Variants in PRR33 observed in about 807,000 individuals in gnomAD.
PRR33 encodes proline-rich protein 33.
In PRR33, 1 loss-of-function variant was observed where a neutral mutation model predicts 0.5. The observed-to-expected ratio is 2.18, with a 90% CI of 0.77 to 10.34. The LOEUF (loss-of-function observed/expected upper bound fraction) is 10.34, where lower values mean the gene tolerates loss of function less well. PRR33 is among the 30% of genes most tolerant of loss of function. The pLI is 0.13. For missense variants in PRR33, 552 were observed against 251.8 expected, an observed-to-expected ratio of 2.19 and a Z score of -8.07; for synonymous variants, 226 against 110.0, an observed-to-expected ratio of 2.06 and a Z score of -6.60.
At chr11:1,893,370 C>T (rs572486679), upstream of PRR33, among the ~76,000 whole-genome samples, 163 of 128,562 alleles carry the variant, frequency 1.3e-3, 2 homozygotes, top group African/African-American at 4.5e-3. Context: ...GATGGATGGA[C>T]TAATGGATGG....
chr11:1,903,216 T>TC, the PRR33 span: 2 of 150,870 alleles, frequency 1.3e-5, no homozygotes, highest in Admixed American at 6.6e-5. Flanking sequence ...AGACACAGCC[T>TC]CTGCCTCCCG....
chr11:1,903,031 T>G, the PRR33 span: 1 of 152,170 alleles, frequency 6.6e-6, no homozygotes, highest in African/African-American at 2.4e-5. Context: ...TTAGCCGGCT[T>G]CTTTACTGCA....
the PRR33 span, chr11:1,903,390 C>T: frequency 6.6e-6 from 1 of 152,146 alleles, no homozygotes; most frequent in Non-Finnish European, 1.5e-5. Context: ...AAGCAATCTT[C>T]CCACCTTGGC....
the PRR33 span, among the ~76,000 whole-genome samples, chr11:1,904,191 G>A: frequency 2.0e-5 from 3 of 152,204 alleles, no homozygotes; most frequent in African/African-American, 4.8e-5. Context: ...CCTGGGGGCC[G>A]CTGGAAGCTC....
chr11:1,913,100 T>C, the PRR33 span, among the ~76,000 whole-genome samples: 2 of 151,976 alleles, frequency 1.3e-5, no homozygotes, highest in Non-Finnish European at 2.9e-5. Flanking sequence ...TCTGGGGTAA[T>C]CCATACTTTG....
At chr11:1,897,181 G>A in the PRR33 span, among the ~76,000 whole-genome samples, 30 of 152,322 alleles carry the variant, frequency 2.0e-4, no homozygotes, top group East Asian at 3.7e-3. This position sits in a 1 kb window ranked among gnomAD's most constrained non-coding sequence, Gnocchi z 4.0. Context: ...GTCTGTTTAC[G>A]TCTCCAGTGA....
chr11:1,896,003 G>T (rs144706345), upstream of PRR33, among the ~76,000 whole-genome samples: 685 of 152,252 alleles, frequency 4.5e-3, 5 homozygotes, highest in African/African-American at 0.016. Context: ...GTGAGACCCT[G>T]CCTGAAAAAA....
the PRR33 span, among the ~76,000 whole-genome samples, chr11:1,912,261 T>G: frequency 6.6e-6 from 1 of 151,344 alleles, no homozygotes; most frequent in East Asian, 2.0e-4. Context: ...TTTTGCTTGG[T>G]AGGAGGTTTA....
At chr11:1,909,467 C>A in the PRR33 span, among the ~76,000 whole-genome samples, 12 of 151,950 alleles carry the variant, frequency 7.9e-5, no homozygotes, top group Non-Finnish European at 1.6e-4. Flanking sequence ...AAAAATTAGC[C>A]GGGCGTGGTG....
chr11:1,898,271 G>C, the PRR33 span, among the ~76,000 whole-genome samples: 3 of 151,120 alleles, frequency 2.0e-5, no homozygotes, highest in African/African-American at 4.9e-5. Flanking sequence ...GTCTCGCTCC[G>C]TCGGCTGGAG....
the PRR33 span, among the ~76,000 whole-genome samples, chr11:1,911,688 T>C: frequency 6.6e-6 from 1 of 151,398 alleles, no homozygotes; most frequent in African/African-American, 2.4e-5. Flanking sequence ...CTCAAAGTGC[T>C]GGGATTACAG....
chr11:1,901,460 C>T, the PRR33 span, among the ~76,000 whole-genome samples: 31 of 152,302 alleles, frequency 2.0e-4, no homozygotes, highest in Middle Eastern at 0.01. Context: ...ATAACAGACA[C>T]AGATAGAAAC....
At chr11:1,898,381 G>T in the PRR33 span, among the ~76,000 whole-genome samples, 6 of 151,984 alleles carry the variant, frequency 3.9e-5, no homozygotes, top group Admixed American at 3.9e-4. Context: ...GATTACAGGC[G>T]CCCGCCATCA....
In PRR33 at chr11:1,890,800, G is replaced by C; in HGVS notation, c.-216C>G. ...GTGGCCCCACCATCACCCTAGTGTAGAAATGAGGCCACAGAGGCCGAGTCC... is the reference window on the plus strand; with the variant it reads ...GTGGCCCCACCATCACCCTAGTGTACAAATGAGGCCACAGAGGCCGAGTCC... On this transcript the variant is annotated 5_prime_UTR_variant, in exon 1 of 1. Transcript: ENST00000640310. The C allele has an allele frequency of 1.9e-5, 11 of 586,502 alleles. No individual in the cohort carries two copies. The South Asian group carries it at 2.3e-4, about 12-fold the overall frequency. 36.3% of individuals were successfully genotyped at this position (586,502 alleles called of 1,614,324 possible).
the PRR33 span, among the ~76,000 whole-genome samples, chr11:1,915,708 AG>A: frequency 1.2e-3 from 1 of 864 alleles, no homozygotes; most frequent in African/African-American, 6.2e-3. Context: ...TGTTGTGGGG[AG>A]GTGTGTGTGT....
the PRR33 span, among the ~76,000 whole-genome samples, chr11:1,916,417 G>A: frequency 7.9e-5 from 12 of 152,064 alleles, no homozygotes; most frequent in Non-Finnish European, 1.2e-4. Flanking sequence ...GGGAGGTGAC[G>A]TGCCCCCATC....
the PRR33 span, among the ~76,000 whole-genome samples, chr11:1,900,911 A>G: frequency 6.6e-6 from 1 of 152,214 alleles, no homozygotes; most frequent in Middle Eastern, 3.2e-3. Context: ...TCCACTGGGA[A>G]AGGCTGTTAT....
chr11:1,914,425 CTG>C, the PRR33 span, among the ~76,000 whole-genome samples: 7 of 145,380 alleles, frequency 4.8e-5, no homozygotes, highest in East Asian at 2.1e-4. Context: ...TGATGTTTCT[CTG>C]TGTGTGTGTC....
At chr11:1,914,232 T>C in the PRR33 span, among the ~76,000 whole-genome samples, 1 of 151,840 alleles carries the variant, frequency 6.6e-6, no homozygotes, top group Non-Finnish European at 1.5e-5. Context: ...TGTTTCTGTG[T>C]GTGTGTGTGT....
Sources: allele counts gnomAD v4.1 joint callset (sites outside exome capture counted in the v4.1 genomes callset), GRCh38; gene constraint gnomAD v4.1.1; non-coding constraint Gnocchi (gnomAD v3.1); transcripts MANE v1.5; gene names NCBI Gene and HGNC (gene_info 2026-07-23, HGNC 2026-07-21).